The following DMD variants were observed in gnomAD, a reference collection of about 807,000 sequenced individuals.
DMD encodes dystrophin.
DMD carries 63 observed loss-of-function variants against 330.1 expected under a neutral mutation model. The observed-to-expected ratio is 0.19, with a 90% CI of 0.16 to 0.24. DMD has a LOEUF of 0.24. DMD is among the 10% of genes least tolerant of loss of function. DMD has a pLI of 1.00. For missense variants in DMD, 3,344 were observed against 2,684.1 expected (o/e 1.25, Z -5.43); for synonymous variants, 1,223 against 959.8 (o/e 1.27, Z -5.07).
At chrX:32,041,396 G>A (rs772175592) in intron 44 of DMD, among the ~76,000 whole-genome samples, 6 of 112,232 alleles carry the variant, frequency 5.3e-5, no homozygotes, top group Non-Finnish European at 7.5e-5. Context: ...AGGTGGTGCC[G>A]ATTCAACTGG....
intron 42 of DMD, among the ~76,000 whole-genome samples, chrX:32,309,157 C>A (rs980926648): frequency 1.8e-5 from 2 of 111,294 alleles, no homozygotes; most frequent in African/African-American, 6.5e-5. Context: ...GAAGATACTG[C>A]AACACCGATT....
At chrX:32,834,498 T>A (rs1375044002) in intron 4 of DMD, among the ~76,000 whole-genome samples, 2 of 111,864 alleles carry the variant, frequency 1.8e-5, no homozygotes, top group Non-Finnish European at 3.8e-5. Context: ...CAGTATATCA[T>A]TTTTCAGATC....
intron 44 of DMD, among the ~76,000 whole-genome samples, chrX:32,133,014 T>C (rs1795572): frequency 0.4 from 35,336 of 88,415 alleles, 5,710 homozygotes; most frequent in Non-Finnish European, 0.49. Context: ...TTTTTTTTTT[T>C]TTTTTTTTTT....
intron 1 of DMD, among the ~76,000 whole-genome samples, chrX:33,319,861 T>G (rs1282345988): frequency 9.0e-6 from 1 of 111,730 alleles, no homozygotes; most frequent in African/African-American, 3.3e-5. Flanking sequence ...GGATATAGCA[T>G]TGTTTGTGGT....
chrX:31,214,480 T>C (rs7885503), intron 64 of DMD, among the ~76,000 whole-genome samples: 4,112 of 111,832 alleles, frequency 0.037, 106 homozygotes, highest in East Asian at 0.16. Context: ...ATGCATTTAA[T>C]ACACCTAACT....
intron 30 of DMD, among the ~76,000 whole-genome samples, chrX:32,403,772 A>C (rs993144126): frequency 1.8e-5 from 2 of 112,239 alleles, no homozygotes; most frequent in Admixed American, 1.9e-4. Flanking sequence ...AAAAGAAAAT[A>C]AAAAGTCTAC....
At position 32,952,969 on chromosome X, in the gene DMD, T is replaced by C. The variant is rs1015170139; in HGVS notation, c.93+67170A>G. Among the ~76,000 whole-genome samples the C allele has an allele frequency of 5.5e-5, 6 of 109,258 alleles. No individual in the cohort carries two copies. In the South Asian group the frequency reaches 2.4e-3, roughly 43 times the overall value. 94.9% of individuals were successfully genotyped at this position (109,258 alleles called of 115,157 possible). A position where few individuals can be genotyped will look rare whatever the true frequency, so the allele number is the denominator to read the frequency against. On this transcript the variant is annotated intron_variant, in intron 2 of 78. Transcript: ENST00000357033. ...GGCCAACATGGTGAAGCCCCGTCTC[T>C]ACTAAAAATACAAAAAATAGTTGGG... is the stretch of plus-strand genomic sequence containing the variant.
At position 31,228,238 on chromosome X, in the gene DMD, C is replaced by A. The variant is rs781545674; in HGVS notation, c.9287-5117G>T. On this transcript the variant is annotated intron_variant, in intron 63 of 78. Transcript: ENST00000357033. ...AACCTGCACAATGTGCACATGTACC[C>A]TAAAACTTAAAGTATAATAAAAAAA... 2.6e-4 allele frequency among the ~76,000 whole-genome samples: 24 copies of A among 93,485 alleles called. 1 individual carries two copies. In the East Asian group the frequency reaches 7.1e-3, roughly 28 times the overall value. 81.2% of individuals were successfully genotyped at this position (93,485 alleles called of 115,157 possible). A position where few individuals can be genotyped will look rare whatever the true frequency, so the allele number is the denominator to read the frequency against.
At chrX:32,659,321 C>A (rs754752971) in intron 9 of DMD, among the ~76,000 whole-genome samples, 2 of 111,603 alleles carry the variant, frequency 1.8e-5, no homozygotes, top group South Asian at 7.5e-4. Flanking sequence ...TGTCTCTTTT[C>A]CTTATTCCTT....
intron 63 of DMD, among the ~76,000 whole-genome samples, chrX:31,244,262 A>C (rs749422146): frequency 1.8e-5 from 2 of 112,254 alleles, no homozygotes; most frequent in Admixed American, 1.9e-4. Context: ...CATATTTGGT[A>C]AAGAAAATTT....
chrX:32,782,669 T>TAA (rs2074894485), intron 7 of DMD, among the ~76,000 whole-genome samples: 1 of 110,877 alleles, frequency 9.0e-6, no homozygotes, highest in African/African-American at 3.3e-5. Context: ...CTGCGGGTTC[T>TAA]GTATCTGCAA....
Position 32,024,486 on chromosome X carries a change from CAAAAA to C in DMD, c.6439-55977_6439-55973del, listed in dbSNP as rs71872956. Reference sequence around the variant, plus strand: ...TGGGCGAAAGAGCGAAACTCCCTCTCAAAAAAAAAAAAAAAAAAAAAAGTATGAAA... The same window carrying C: ...TGGGCGAAAGAGCGAAACTCCCTCTCAAAAAAAAAAAAAAAAAGTATGAAA... On this transcript the variant is annotated intron_variant, in intron 44 of 78. Transcript: ENST00000357033. Among the ~76,000 whole-genome samples the C allele has an allele frequency of 8.8e-3, 543 of 61,623 alleles. 4 individuals carry two copies. The highest frequency in any genetic ancestry group is 0.036 in the African/African-American group (515 of 14,295). The allele number at this position is 61,623 out of a possible 115,157, so 53.5% of individuals were successfully genotyped here.
intron 7 of DMD, among the ~76,000 whole-genome samples, chrX:32,779,941 C>A (rs929757199): frequency 1.8e-5 from 2 of 111,262 alleles, no homozygotes; most frequent in African/African-American, 6.5e-5. Context: ...ATAATAATCC[C>A]AATTTAAATT....
chrX:32,758,072 C>T (rs1244396940), intron 7 of DMD, among the ~76,000 whole-genome samples: 1 of 112,061 alleles, frequency 8.9e-6, no homozygotes, highest in Non-Finnish European at 1.9e-5. Context: ...CTATTATGGT[C>T]ATCAGTTCAA....
At chrX:32,470,641 A>G (rs2040529932) in intron 22 of DMD, among the ~76,000 whole-genome samples, 1 of 111,282 alleles carries the variant, frequency 9.0e-6, no homozygotes, top group Non-Finnish European at 1.9e-5. Flanking sequence ...TAGGCAACAC[A>G]TTTTTCCAGA....
chrX:32,916,365 G>A (rs1208147507), intron 2 of DMD, among the ~76,000 whole-genome samples: 1 of 111,027 alleles, frequency 9.0e-6, no homozygotes. Context: ...CTGTAAACAG[G>A]ATAAGTAAAA....
At position 31,693,457 on chromosome X, in the gene DMD, C is replaced by A. The variant is rs770673286; in HGVS notation, c.7661-13871G>T. On this transcript the variant is annotated intron_variant, in intron 52 of 78. Coordinates refer to ENST00000357033, the MANE Select transcript of DMD (RefSeq NM_004006.3). ...GGCAGGAGAAAGAAATAAAAGGCAA[C>A]CAAACTGAAAAGGATGAAGTAAAAT... is the stretch of plus-strand genomic sequence containing the variant. Among the ~76,000 whole-genome samples, 7 of 111,232 alleles carry A rather than the reference C, an allele frequency of 6.3e-5. No homozygotes were observed. The South Asian group carries it at 2.6e-3, about 42-fold the overall frequency.
intron 44 of DMD, among the ~76,000 whole-genome samples, chrX:32,002,810 T>C (rs1479423311): frequency 2.7e-5 from 3 of 111,356 alleles, no homozygotes; most frequent in Non-Finnish European, 5.7e-5. Flanking sequence ...ATCAGTAATA[T>C]TGTTACTAGT....
chrX:32,964,673 A>C (rs1184047199), intron 2 of DMD, among the ~76,000 whole-genome samples: 2 of 111,656 alleles, frequency 1.8e-5, no homozygotes, highest in Non-Finnish European at 1.9e-5. Flanking sequence ...ATGCCACTGC[A>C]CTCCAGCCTG....
Sources: allele counts gnomAD v4.1 joint callset (sites outside exome capture counted in the v4.1 genomes callset), GRCh38; gene constraint gnomAD v4.1.1; transcripts MANE v1.5; gene names NCBI Gene and HGNC (gene_info 2026-07-23, HGNC 2026-07-21).